PKHD1: variants seen among roughly 807,000 people sequenced by gnomAD.
PKHD1 encodes the protein PKHD1 ciliary IPT domain containing fibrocystin/polyductin.
A neutral mutation model predicts 412.0 loss-of-function variants in PKHD1; 291 were observed. That is an observed-to-expected ratio of 0.71 (90% confidence interval 0.64 to 0.78). The LOEUF (loss-of-function observed/expected upper bound fraction) is 0.78. PKHD1 is among the 30% of genes least tolerant of loss of function. The pLI is 0.00. For missense variants in PKHD1, 4,825 were observed against 4,950.7 expected (o/e 0.97, Z 0.76); for synonymous variants, 1,777 against 1,821.5 (o/e 0.98, Z 0.62).
At chr6:51,982,390 T>C (rs1795538350) in intron 35 of PKHD1, among the ~76,000 whole-genome samples, 1 of 127,858 alleles carries the variant, frequency 7.8e-6, no homozygotes. Context: ...GGGGAAAAAA[T>C]TGAGAAATCA....
At chr6:51,654,341 A>G (rs548350566) in intron 61 of PKHD1, among the ~76,000 whole-genome samples, 2 of 152,122 alleles carry the variant, frequency 1.3e-5, no homozygotes, top group Non-Finnish European at 2.9e-5. Context: ...TTCTCATTAA[A>G]TAGTTGAATA....
intron 60 of PKHD1, among the ~76,000 whole-genome samples, chr6:51,679,674 C>T (rs761112748): frequency 9.2e-5 from 14 of 151,846 alleles, no homozygotes; most frequent in Non-Finnish European, 1.6e-4. Context: ...CAGGATGTTT[C>T]GGGAGGAAAG....
At chr6:51,637,722 G>A (rs2150323451) in intron 64 of PKHD1, among the ~76,000 whole-genome samples, 1 of 152,140 alleles carries the variant, frequency 6.6e-6, no homozygotes, top group East Asian at 1.9e-4. Context: ...TGGCCAACAT[G>A]GTGAAACCTC....
At position 51,702,344 on chromosome 6, in the gene PKHD1, A is replaced by G. The variant is rs1779548077; in HGVS notation, c.10156+42041T>C. 1.3e-5 allele frequency among the ~76,000 whole-genome samples: 2 copies of G among 151,610 alleles called. 1 individual carries two copies. The highest frequency in any genetic ancestry group is 1.3e-4 in the Admixed American group (2 of 15,146). On this transcript the variant is annotated intron_variant, in intron 60 of 66. Transcript: ENST00000371117. ...GTAACTCAGGAATGGAAAGCCAAAC[A>G]TTGTATGATCTCACTCATAAGTGGG...
intron 36 of PKHD1, among the ~76,000 whole-genome samples, chr6:51,951,177 C>T (rs1790310517): frequency 6.6e-6 from 1 of 152,146 alleles, no homozygotes; most frequent in African/African-American, 2.4e-5. Context: ...CCTAACTAAA[C>T]TTTGATTTCC....
chr6:51,939,331 G>C (rs1323027800), intron 36 of PKHD1, among the ~76,000 whole-genome samples: 1 of 151,096 alleles, frequency 6.6e-6, no homozygotes, highest in African/African-American at 2.4e-5. Flanking sequence ...CTTTTCTAGG[G>C]GGCAAGAACC....
Position 52,050,197 on chromosome 6 carries a change from G to T in PKHD1, c.2239C>A (p.Leu747Met), listed in dbSNP as rs202118131. ...GGGAGCTCCGTGCCACACCCCGCCA[G>T]CCAGGAGGTGACACTGTAGACCGGA... ...SPPVYSVTSW[L>M]AGCGTELPLI... Residue 747 changes from leucine (L) to methionine (M), a missense_variant, in exon 22 of 67, where the codon CTG becomes ATG. Physicochemically the swap from Leu to Met is conservative, Grantham distance 15. Transcript: ENST00000371117. The T allele has an allele frequency of 6.2e-7, 1 of 1,614,214 alleles. No individual in the cohort carries two copies. The highest frequency in any genetic ancestry group is 8.5e-7 in the Non-Finnish European group (1 of 1,180,024).
chr6:52,044,367 A>T (rs1283927738), intron 25 of PKHD1, among the ~76,000 whole-genome samples: 1 of 152,206 alleles, frequency 6.6e-6, no homozygotes, highest in East Asian at 1.9e-4. Flanking sequence ...TATATTCATG[A>T]CAGTGTTTCC....
At chr6:51,815,859 G>A (rs2151424242) in intron 52 of PKHD1, among the ~76,000 whole-genome samples, 1 of 152,266 alleles carries the variant, frequency 6.6e-6, no homozygotes, top group African/African-American at 2.4e-5. Flanking sequence ...GTCAGCCTTA[G>A]CTCTGGTTCC....
rs759679881 is a variant in PKHD1, at chr6:52,056,959, T to C, written c.1533A>G (p.Arg511=). Residue 511 remains arginine (R), a synonymous_variant, in exon 17 of 67, where the codon AGA becomes AGG. Transcript: ENST00000371117. ...PEVQVLNVSG[R]GNFFLTWDNV... is the part of the protein sequence containing the mutation. ...TGTCCCAAGTAAGGAAGAAGTTTCC[T>C]CTGCCTGATACATTCAGCACCTAAA... 1 of 1,613,498 alleles carries C rather than the reference T, an allele frequency of 6.2e-7. No individual in the cohort carries two copies. Among genetic ancestry groups the C allele is most frequent in the South Asian group, 1.1e-5 (1 of 91,060 alleles).
intron 2 of PKHD1, among the ~76,000 whole-genome samples, chr6:52,083,719 C>G (rs1812365106): frequency 6.6e-6 from 1 of 152,066 alleles, no homozygotes; most frequent in Non-Finnish European, 1.5e-5. Context: ...GAAAAAAGGA[C>G]TTCCATTAGG....
chr6:52,071,164 C>A (rs1012450065), intron 8 of PKHD1, 94 bp from the exon 9 acceptor site: 1 of 861,540 alleles, frequency 1.2e-6, no homozygotes, highest in East Asian at 2.4e-5. Context: ...CAAAAGAAAA[C>A]CAAATTTGCT....
chr6:51,695,921 A>C (rs1321627107), intron 60 of PKHD1, among the ~76,000 whole-genome samples: 1 of 152,180 alleles, frequency 6.6e-6, no homozygotes, highest in African/African-American at 2.4e-5. Context: ...CACAAGCCCA[A>C]AGTGAAATTT....
intron 60 of PKHD1, among the ~76,000 whole-genome samples, chr6:51,716,050 A>G (rs1295285758): frequency 1.3e-5 from 2 of 152,352 alleles, no homozygotes; most frequent in African/African-American, 4.8e-5. Context: ...AATCAATTTT[A>G]AAAAAATTTA....
chr6:51,945,919 T>C (rs1457231068), intron 36 of PKHD1, among the ~76,000 whole-genome samples: 1 of 152,210 alleles, frequency 6.6e-6, no homozygotes, highest in Non-Finnish European at 1.5e-5. Flanking sequence ...GTTCTCATAG[T>C]TACATTTAAG....
At chr6:52,054,845 G>A (rs1299791377) in intron 19 of PKHD1, among the ~76,000 whole-genome samples, 1 of 152,184 alleles carries the variant, frequency 6.6e-6, no homozygotes, top group African/African-American at 2.4e-5. Flanking sequence ...CCCTGCAGAA[G>A]AGATGAGGCT....
chr6:52,081,286 T>G (rs922584283), intron 4 of PKHD1, among the ~76,000 whole-genome samples: 1 of 152,170 alleles, frequency 6.6e-6, no homozygotes, highest in Non-Finnish European at 1.5e-5. Flanking sequence ...CCATAAAATC[T>G]AAGGGAAATA....
At chr6:51,673,099 T>C (rs1229044799) in intron 60 of PKHD1, among the ~76,000 whole-genome samples, 1 of 152,158 alleles carries the variant, frequency 6.6e-6, no homozygotes, top group Non-Finnish European at 1.5e-5. Flanking sequence ...CTAGGCCAGA[T>C]ACCAAAATAG....
chr6:52,027,006 G>A (rs1280158581), intron 31 of PKHD1, among the ~76,000 whole-genome samples: 1 of 152,174 alleles, frequency 6.6e-6, no homozygotes. Context: ...AATAGTTTTA[G>A]AGATTGGTCT....
Sources: gnomAD v4.1 joint callset for allele counts (sites outside exome capture counted in the v4.1 genomes callset) on GRCh38, gnomAD v4.1.1 for gene constraint, MANE v1.5 for transcripts, NCBI Gene and HGNC (gene_info 2026-07-23, HGNC 2026-07-21) for gene names.